SCHIP1: variants seen among roughly 807,000 people sequenced by gnomAD.
SCHIP1 encodes the protein schwannomin interacting protein 1.
A neutral mutation model predicts 29.7 loss-of-function variants in SCHIP1; 8 were observed. The ratio of observed to expected loss-of-function variants is 0.27; its 90% CI spans 0.16 to 0.49. The LOEUF (loss-of-function observed/expected upper bound fraction) is 0.49, where lower values mean the gene tolerates loss of function less well. Among genes scored for constraint, SCHIP1 ranks in the 20% least tolerant of loss-of-function variants. The pLI is 0.99. For missense variants in SCHIP1, 193 were observed against 294.6 expected (o/e 0.66, Z 2.52); for synonymous variants, 76 against 94.9 (o/e 0.80, Z 1.16).
At chr3:159,423,847 T>G in the SCHIP1 span, among the ~76,000 whole-genome samples, 1 of 151,942 alleles carries the variant, frequency 6.6e-6, no homozygotes, top group Non-Finnish European at 1.5e-5. Flanking sequence ...GGCCGGATAC[T>G]CCTCTGAGAC....
the SCHIP1 span, among the ~76,000 whole-genome samples, chr3:159,305,150 C>T: frequency 6.6e-6 from 1 of 152,158 alleles, no homozygotes; most frequent in Admixed American, 6.5e-5. Flanking sequence ...CACCCTGGGC[C>T]AGTTCACCTG....
At chr3:159,768,711 T>G in the SCHIP1 span, 1 of 152,230 alleles carries the variant, frequency 6.6e-6, no homozygotes, top group Non-Finnish European at 1.5e-5. Flanking sequence ...AACACTCTAG[T>G]GACTGGATCC....
chr3:159,507,206 G>C, the SCHIP1 span, among the ~76,000 whole-genome samples: 1 of 152,026 alleles, frequency 6.6e-6, no homozygotes, highest in Non-Finnish European at 1.5e-5. Flanking sequence ...TGAATTCCTA[G>C]GTATTTTATT....
the SCHIP1 span, among the ~76,000 whole-genome samples, chr3:159,399,779 C>G: frequency 6.6e-6 from 1 of 152,138 alleles, no homozygotes; most frequent in African/African-American, 2.4e-5. Context: ...TGGGCTCAAG[C>G]AATCTTATTT....
At chr3:159,304,263 C>T in the SCHIP1 span, among the ~76,000 whole-genome samples, 1 of 152,162 alleles carries the variant, frequency 6.6e-6, no homozygotes, top group African/African-American at 2.4e-5. Context: ...GTCTTTATAA[C>T]CATCATTTTA....
chr3:159,306,610 C>G, the SCHIP1 span: 1 of 907,470 alleles, frequency 1.1e-6, no homozygotes, highest in Non-Finnish European at 1.3e-6. Context: ...ATACAAACAC[C>G]TCACTACTTT....
At chr3:159,539,071 G>A in the SCHIP1 span, among the ~76,000 whole-genome samples, 1 of 151,960 alleles carries the variant, frequency 6.6e-6, no homozygotes, top group African/African-American at 2.4e-5. Context: ...GAATAGCCTT[G>A]GGTTCAGGCT....
At chr3:159,379,974 A>T in the SCHIP1 span, among the ~76,000 whole-genome samples, 3 of 152,222 alleles carry the variant, frequency 2.0e-5, no homozygotes, top group Non-Finnish European at 4.4e-5. Context: ...GGGAGTCACA[A>T]ATACAATTTT....
the SCHIP1 span, among the ~76,000 whole-genome samples, chr3:159,350,230 A>G: frequency 5.3e-5 from 8 of 152,152 alleles, no homozygotes; most frequent in Admixed American, 3.9e-4. Flanking sequence ...GAGAAACAAG[A>G]AAGTGGGAAA....
chr3:159,380,258 G>A, the SCHIP1 span, among the ~76,000 whole-genome samples: 1 of 152,134 alleles, frequency 6.6e-6, no homozygotes, highest in Non-Finnish European at 1.5e-5. Flanking sequence ...ATGGGCATTG[G>A]GTTGTACAGT....
At chr3:159,869,845 C>T (rs928734566) in intron 2 of SCHIP1, among the ~76,000 whole-genome samples, 3 of 151,808 alleles carry the variant, frequency 2.0e-5, no homozygotes, top group African/African-American at 7.2e-5. Flanking sequence ...GGTCTGTCTC[C>T]CCCTTATTTA....
the SCHIP1 span, among the ~76,000 whole-genome samples, chr3:159,586,073 T>A: frequency 6.6e-6 from 1 of 152,022 alleles, no homozygotes; most frequent in Admixed American, 6.6e-5. Context: ...AATAAATTAA[T>A]AAGCTTTGGT....
the SCHIP1 span, among the ~76,000 whole-genome samples, chr3:159,778,046 G>A: frequency 2.0e-3 from 303 of 151,942 alleles, 1 homozygote; most frequent in African/African-American, 7.0e-3. Flanking sequence ...GTGCAGTGGC[G>A]TGATCTTGGC....
chr3:159,846,572 G>T (rs1424649358), intron 1 of SCHIP1, among the ~76,000 whole-genome samples: 1 of 152,146 alleles, frequency 6.6e-6, no homozygotes, highest in Non-Finnish European at 1.5e-5. Flanking sequence ...TTTAAGCCTG[G>T]TTTCTTCCAC....
At chr3:159,489,459 G>A in the SCHIP1 span, among the ~76,000 whole-genome samples, 3 of 152,258 alleles carry the variant, frequency 2.0e-5, no homozygotes, top group East Asian at 5.8e-4. Context: ...TTAATTTACA[G>A]TACAAATGCT....
chr3:159,882,782 G>A (rs1716573083), intron 2 of SCHIP1, among the ~76,000 whole-genome samples: 1 of 152,188 alleles, frequency 6.6e-6, no homozygotes, highest in African/African-American at 2.4e-5. Context: ...CCTGGTAACA[G>A]TAGTTGGAAG....
the SCHIP1 span, among the ~76,000 whole-genome samples, chr3:159,725,275 T>C: frequency 6.6e-6 from 1 of 150,634 alleles, no homozygotes; most frequent in Admixed American, 6.6e-5. Flanking sequence ...TTTTTTCTTT[T>C]TTTTTTTTTT....
chr3:159,354,556 A>G, the SCHIP1 span, among the ~76,000 whole-genome samples: 2 of 152,168 alleles, frequency 1.3e-5, no homozygotes, highest in Non-Finnish European at 2.9e-5. Context: ...CATTCTTCTT[A>G]TTGGAATTTT....
the SCHIP1 span, among the ~76,000 whole-genome samples, chr3:159,374,773 G>T: frequency 5.4e-4 from 82 of 152,098 alleles, no homozygotes; most frequent in Middle Eastern, 6.8e-3. Flanking sequence ...TATCTATTTG[G>T]TTCCAGATAC....
Sources: allele counts gnomAD v4.1 joint callset (sites outside exome capture counted in the v4.1 genomes callset), GRCh38; gene constraint gnomAD v4.1.1; transcripts MANE v1.5; gene names NCBI Gene and HGNC (gene_info 2026-07-23, HGNC 2026-07-21).